Variants in PPM1L observed in about 807,000 individuals in gnomAD.
PPM1L encodes the protein protein phosphatase 1L.
PPM1L carries 13 observed loss-of-function variants against 31.4 expected under a neutral mutation model. The observed-to-expected ratio is 0.41, with a 90% CI of 0.27 to 0.66. PPM1L has a LOEUF of 0.66. Ranked by LOEUF, PPM1L falls within the 30% of genes least tolerant of loss-of-function variation. The pLI, the probability that PPM1L is intolerant of heterozygous loss-of-function variation, is 0.29. For synonymous variants in PPM1L, 184 were observed against 175.4 expected, an observed-to-expected ratio of 1.05 and a Z score of -0.39; for missense variants, 326 against 453.7, an observed-to-expected ratio of 0.72 and a Z score of 2.56.
intron 2 of PPM1L, among the ~76,000 whole-genome samples, chr3:160,988,559 G>GT (rs1717037360): frequency 6.6e-6 from 1 of 152,158 alleles, no homozygotes; most frequent in South Asian, 2.1e-4. Flanking sequence ...TGTTAGGGTA[G>GT]TAAGAAAAGG....
At chr3:160,904,206 C>T (rs933335871) in intron 1 of PPM1L, among the ~76,000 whole-genome samples, 5 of 152,164 alleles carry the variant, frequency 3.3e-5, no homozygotes, top group African/African-American at 1.2e-4. Context: ...TAAAGCTCCA[C>T]TCCCCTGCAG....
At chr3:161,020,103 C>A (rs1000354372) in intron 2 of PPM1L, among the ~76,000 whole-genome samples, 1 of 141,256 alleles carries the variant, frequency 7.1e-6, no homozygotes, top group East Asian at 2.1e-4. Context: ...TCCAGCCTAG[C>A]GACAGAGAGA....
intron 1 of PPM1L, among the ~76,000 whole-genome samples, chr3:160,938,267 C>A (rs1334963719): frequency 1.3e-5 from 2 of 152,188 alleles, no homozygotes; most frequent in Non-Finnish European, 2.9e-5. Flanking sequence ...CGTCCTACTA[C>A]CAACTGATGG....
intron 1 of PPM1L, among the ~76,000 whole-genome samples, chr3:160,777,785 G>A (rs967122538): frequency 1.3e-5 from 2 of 152,092 alleles, no homozygotes; most frequent in Non-Finnish European, 2.9e-5. Context: ...TATTTGAGTT[G>A]CTTATACCTC....
intron 2 of PPM1L, among the ~76,000 whole-genome samples, chr3:161,039,300 A>G (rs1309763282): frequency 6.6e-6 from 1 of 152,104 alleles, no homozygotes; most frequent in Non-Finnish European, 1.5e-5. Flanking sequence ...TCCTGTAACA[A>G]TTTTGCCTCT....
intron 1 of PPM1L, among the ~76,000 whole-genome samples, chr3:160,898,185 G>C (rs954925121): frequency 7.2e-5 from 11 of 152,074 alleles, no homozygotes; most frequent in African/African-American, 2.7e-4. Flanking sequence ...ATATTCTTAA[G>C]CATAAAATGC....
intron 2 of PPM1L, among the ~76,000 whole-genome samples, chr3:160,980,714 AAGAG>A (rs1553751946): frequency 6.0e-5 from 9 of 148,914 alleles, no homozygotes; most frequent in East Asian, 5.9e-4. Context: ...GAGAAAAAAA[AAGAG>A]AGAGAGAGAG....
At chr3:160,892,994 G>A (rs1713208584) in intron 1 of PPM1L, among the ~76,000 whole-genome samples, 1 of 152,060 alleles carries the variant, frequency 6.6e-6, no homozygotes, top group African/African-American at 2.4e-5. Flanking sequence ...ATAGTTTTCA[G>A]TTGGAATGAT....
At chr3:160,781,800 A>G (rs722871) in intron 1 of PPM1L, among the ~76,000 whole-genome samples, 58,305 of 152,034 alleles carry the variant, frequency 0.38, 12,110 homozygotes, top group East Asian at 0.6. Context: ...CCCTTTATAT[A>G]TCTTCTTTTT....
At chr3:160,945,046 ATT>A (rs1715351556) in intron 1 of PPM1L, among the ~76,000 whole-genome samples, 1 of 10,866 alleles carries the variant, frequency 9.2e-5, no homozygotes, top group Non-Finnish European at 2.9e-4. Context: ...TAACATATAT[ATT>A]ATATATAACT....
intron 1 of PPM1L, among the ~76,000 whole-genome samples, chr3:160,894,384 A>T (rs1713265516): frequency 6.6e-6 from 1 of 152,210 alleles, no homozygotes. Context: ...TGTGGCACTT[A>T]TCTATTCTGT....
chr3:160,847,087 A>T (rs1714099548), intron 1 of PPM1L, among the ~76,000 whole-genome samples: 2 of 152,240 alleles, frequency 1.3e-5, no homozygotes, highest in Admixed American at 6.5e-5. Context: ...TTTTTCTTCT[A>T]TCATGGTGCA....
intron 1 of PPM1L, among the ~76,000 whole-genome samples, chr3:160,888,469 A>G (rs75654561): frequency 6.6e-6 from 1 of 152,240 alleles, no homozygotes; most frequent in East Asian, 1.9e-4. Flanking sequence ...ACAATTCAAC[A>G]AGAAGGGCTA....
At chr3:160,959,867 C>T (rs909261892) in intron 1 of PPM1L, among the ~76,000 whole-genome samples, 1 of 151,962 alleles carries the variant, frequency 6.6e-6, no homozygotes, top group Middle Eastern at 3.4e-3. Context: ...AAGTGTCTTC[C>T]ACAGTTGGAG....
At position 160,916,148 on chromosome 3, in the gene PPM1L, G is replaced by A. The variant is rs531250236; in HGVS notation, c.400-45588G>A. On this transcript the variant is annotated intron_variant, in intron 1 of 3. Coordinates refer to ENST00000498165, the MANE Select transcript of PPM1L (RefSeq NM_139245.4). ...ACCTACAGAATGGGAGAAAATTTTTGCAACCTACTCATCTGACAAAGGGCT... is the reference window on the plus strand; with the variant it reads ...ACCTACAGAATGGGAGAAAATTTTTACAACCTACTCATCTGACAAAGGGCT... 3.2e-3 allele frequency among the ~76,000 whole-genome samples: 490 copies of A among 152,130 alleles called. 4 individuals carry two copies. The highest frequency in any genetic ancestry group is 0.012 in the African/African-American group (480 of 41,504).
chr3:160,872,412 T>G (rs1044018680), intron 1 of PPM1L, among the ~76,000 whole-genome samples: 1 of 152,140 alleles, frequency 6.6e-6, no homozygotes, highest in African/African-American at 2.4e-5. Flanking sequence ...CTCAAGCACC[T>G]CCCATATGCC....
intron 2 of PPM1L, among the ~76,000 whole-genome samples, chr3:160,974,177 T>C (rs1412848759): frequency 1.3e-5 from 2 of 151,860 alleles, no homozygotes; most frequent in African/African-American, 2.4e-5. Context: ...CAATTTCATC[T>C]ATGTCCCTAC....
At chr3:160,987,889 T>A (rs1331304326) in intron 2 of PPM1L, among the ~76,000 whole-genome samples, 1 of 152,262 alleles carries the variant, frequency 6.6e-6, no homozygotes, top group Non-Finnish European at 1.5e-5. Flanking sequence ...TTCCTTGGCT[T>A]AAATTCTTGA....
chr3:160,789,865 C>G (rs1277557612), intron 1 of PPM1L, among the ~76,000 whole-genome samples: 2 of 151,826 alleles, frequency 1.3e-5, no homozygotes, highest in Non-Finnish European at 2.9e-5. Context: ...TCCAGGAGAC[C>G]CCTCCCCACT....
Sources: allele counts gnomAD v4.1 joint callset (sites outside exome capture counted in the v4.1 genomes callset), GRCh38; gene constraint gnomAD v4.1.1; transcripts MANE v1.5; gene names NCBI Gene and HGNC (gene_info 2026-07-23, HGNC 2026-07-21).